Variants in HERC6 observed in about 807,000 individuals in gnomAD.
The protein encoded by HERC6 is HECT and RLD domain containing E3 ubiquitin protein ligase family member 6, also known as probable E3 ubiquitin-protein ligase HERC6.
HERC6 carries 101 observed loss-of-function variants against 114.5 expected under a neutral mutation model. The ratio of observed to expected loss-of-function variants is 0.88; its 90% confidence interval spans 0.75 to 1.04. HERC6 has a LOEUF of 1.04. Among genes scored for constraint, HERC6 ranks in the 50% least tolerant of loss-of-function variants. The probability of loss-of-function intolerance (pLI) is 0.00; values close to 1 mark genes in which losing one functional copy is unlikely to be tolerated. For missense variants in HERC6, 1,133 were observed against 1,230.9 expected, an observed-to-expected ratio of 0.92 and a Z score of 1.19; for synonymous variants, 408 against 436.2, an observed-to-expected ratio of 0.94 and a Z score of 0.81.
At position 88,396,776 on chromosome 4, in the gene HERC6, G is replaced by T. The variant is rs950563219; in HGVS notation, c.888-75G>T. ...TTGGGCTTTTTGTGTTTGTTATTTT[G>T]TCTTAAGGGACATCATCTTTCTCAA... is the stretch of plus-strand genomic sequence containing the variant. On this transcript the variant is annotated intron_variant, in intron 6 of 22. Coordinates refer to ENST00000264346, the MANE Select transcript of HERC6 (RefSeq NM_017912.4). 16 of 1,348,210 alleles carry T rather than the reference G, an allele frequency of 1.2e-5. No individual in the cohort carries two copies. In the Admixed American group the frequency reaches 1.9e-4, roughly 16 times the overall value. 83.5% of individuals were successfully genotyped at this position (1,348,210 alleles called of 1,614,324 possible). A position where few individuals can be genotyped will look rare whatever the true frequency, so the allele number is the denominator to read the frequency against.
At chr4:88,432,145 A>G (rs573975392) in intron 17 of HERC6, among the ~76,000 whole-genome samples, 67 of 152,284 alleles carry the variant, frequency 4.4e-4, no homozygotes, top group African/African-American at 1.5e-3. Context: ...TTTAATACGA[A>G]CTTTGTTTCA....
At chr4:88,440,301 G>C in intron 22 of HERC6, 51 bp downstream of exon 22, 1 of 1,050,764 alleles carries the variant, frequency 9.5e-7, no homozygotes, top group East Asian at 2.6e-5. Flanking sequence ...TTTTAAAAAG[G>C]TACAGTCTTG....
intron 13 of HERC6, among the ~76,000 whole-genome samples, chr4:88,422,798 A>T (rs1737195458): frequency 6.6e-6 from 1 of 152,204 alleles, no homozygotes; most frequent in African/African-American, 2.4e-5. Context: ...ATTGTATAAT[A>T]CTAGCATTTT....
rs1560577676 is a variant in HERC6 at position 88,437,727 on chromosome 4, A to C, written c.2501A>C (p.Asn834Thr). 1 of 1,605,252 alleles carries C rather than the reference A, an allele frequency of 6.2e-7. No homozygotes were observed. The highest frequency in any genetic ancestry group is 1.7e-5 in the Admixed American group (1 of 59,060). ...CIRFSIHWDQ[N>T]DVDLIPNGIS... ...TGGTTACAGATACACTGGGACCAAA[A>C]TGATGTTGACTTAATTCCAAATGGG... is the stretch of plus-strand genomic sequence containing the variant. The change falls in exon 20 of 23, where the codon AAT (asparagine) becomes ACT (threonine). Residue 834 changes from asparagine (N) to threonine (T), a missense_variant. This residue lies in a region of HERC6 where 388 missense variants were observed against 445.9 expected (regional missense o/e 0.87). Transcript: ENST00000264346.
At chr4:88,388,818 C>A (rs1734740158) in intron 3 of HERC6, among the ~76,000 whole-genome samples, 1 of 152,090 alleles carries the variant, frequency 6.6e-6, no homozygotes, top group Non-Finnish European at 1.5e-5. Context: ...CACGGGAGGG[C>A]CTCAGAGAAA....
chr4:88,391,528 C>T (rs1323934245), intron 4 of HERC6, among the ~76,000 whole-genome samples: 1 of 152,206 alleles, frequency 6.6e-6, no homozygotes, highest in Non-Finnish European at 1.5e-5. Context: ...ATTCAGCCTA[C>T]CATAGGATCC....
chr4:88,424,716 A>G lies in HERC6; in HGVS notation c.1935+14A>G. The G allele has an allele frequency of 6.8e-7, 1 of 1,463,040 alleles. No homozygotes were observed. Among genetic ancestry groups the G allele is most frequent in the Non-Finnish European group, 9.5e-7 (1 of 1,058,086 alleles). 90.6% of individuals were successfully genotyped at this position (1,463,040 alleles called of 1,614,324 possible). On this transcript the variant is annotated intron_variant, in intron 15 of 22. Transcript: ENST00000264346. ...ATAAAGATGCAGGTATGTATGTCCT[A>G]TTTTTTAGTATGAAAAATTTCAAAC...
chr4:88,428,794 G>A, intron 16 of HERC6, 44 bp downstream of exon 16: 1 of 1,413,432 alleles, frequency 7.1e-7, no homozygotes, highest in South Asian at 1.6e-5. Flanking sequence ...TCTGTGGGAG[G>A]GATGCATTCA....
intron 17 of HERC6, among the ~76,000 whole-genome samples, chr4:88,433,049 C>T (rs1232902104): frequency 6.6e-6 from 1 of 152,004 alleles, no homozygotes; most frequent in East Asian, 1.9e-4. Flanking sequence ...GATCGCACCA[C>T]TGCCCTCCAG....
chr4:88,393,513 C>T lies in HERC6; in HGVS notation c.690C>T (p.Val230=), dbSNP rs201684477. 1,206 of 1,611,528 alleles carry T rather than the reference C, an allele frequency of 7.5e-4. 2 individuals carry two copies. The highest frequency in any genetic ancestry group is 7.3e-4 in the Non-Finnish European group (855 of 1,178,278). The change falls in exon 5 of 23, where the codon GTC becomes GTT. Residue 230 remains valine, a synonymous_variant. Transcript: ENST00000264346. ...TGCAAAGCAACAAGCCTCTCTCAGT[C>T]GGTGCACTGAAGAATCTAGGTGTGG... is the stretch of plus-strand genomic sequence containing the variant. ...VPVQSNKPLS[V]GALKNLGVVY...
At chr4:88,431,431 GTACTCGTATGGTTCA>G in intron 17 of HERC6, 126 bp downstream of exon 17, 1 of 1,094,396 alleles carries the variant, frequency 9.1e-7, no homozygotes, top group Non-Finnish European at 1.3e-6. Flanking sequence ...ATTTTGAGTA[GTACTCGTATGGTTCA>G]CAGAGCAGCA....
chr4:88,415,368 C>CA lies in HERC6; in HGVS notation c.1559-2053dup, dbSNP rs575476118. 4.5e-4 allele frequency among the ~76,000 whole-genome samples: 69 copies of CA among 152,236 alleles called. No homozygotes were observed. The South Asian group carries it at 5.6e-3, about 12-fold the overall frequency. ...CACATGCAGGAAACATTCCAGAAAG[C>CA]AAAATCACTGAGTCAAATTGTATGT... On this transcript the variant is annotated intron_variant, in intron 12 of 22. Transcript: ENST00000264346.
At chr4:88,408,237 G>A (rs1735904414) in intron 10 of HERC6, among the ~76,000 whole-genome samples, 2 of 152,062 alleles carry the variant, frequency 1.3e-5, no homozygotes, top group Non-Finnish European at 2.9e-5. Flanking sequence ...GAGTGCGGGG[G>A]CAGATGGTTT....
At chr4:88,401,646 G>T (rs1414789810) in intron 8 of HERC6, among the ~76,000 whole-genome samples, 3 of 152,190 alleles carry the variant, frequency 2.0e-5, no homozygotes, top group Non-Finnish European at 4.4e-5. Flanking sequence ...TACAGGTGAA[G>T]GTAGGTTGAT....
rs754528092 is a variant in HERC6, at chr4:88,436,950, T to A, written c.2463T>A (p.Asp821Glu). 1.9e-6 allele frequency: 3 copies of A among 1,607,374 alleles called. No individual in the cohort carries two copies. The Admixed American group carries it at 5.0e-5, about 27-fold the overall frequency. ...ATGATGCTGCTGATGACATTGGAGA[T>A]GCGCTCTGCATACGCTTTTCTGTGA... ...VLDDAADDIGDALCIRFSIHW... is the reference protein window; with the variant it reads ...VLDDAADDIGEALCIRFSIHW... Residue 821 changes from aspartate (D) to glutamate (E), a missense_variant, in exon 19 of 23, where the codon GAT becomes GAA. Transcript: ENST00000264346.
intron 8 of HERC6, among the ~76,000 whole-genome samples, chr4:88,404,193 CTTT>C (rs202005015): frequency 7.3e-5 from 10 of 137,096 alleles, no homozygotes; most frequent in Admixed American, 7.3e-5. Context: ...AATTTCATTT[CTTT>C]TTTTTTTTTT....
At chr4:88,419,796 T>C (rs956615869) in intron 13 of HERC6, among the ~76,000 whole-genome samples, 1 of 152,166 alleles carries the variant, frequency 6.6e-6, no homozygotes, top group Admixed American at 6.5e-5. Flanking sequence ...ATAAACATAA[T>C]ATTTGGTCTC....
At chr4:88,407,049 G>A (rs964858326) in intron 10 of HERC6, among the ~76,000 whole-genome samples, 4 of 145,388 alleles carry the variant, frequency 2.8e-5, no homozygotes, top group South Asian at 4.5e-4. Context: ...ATGAGCCACC[G>A]CGCCCAGCCT....
intron 13 of HERC6, among the ~76,000 whole-genome samples, chr4:88,419,089 A>G (rs1195755847): frequency 6.6e-6 from 1 of 152,192 alleles, no homozygotes; most frequent in African/African-American, 2.4e-5. Flanking sequence ...AATTAAATAG[A>G]AAGGAAGAAA....
Sources: gnomAD v4.1 joint callset for allele counts (sites outside exome capture counted in the v4.1 genomes callset) on GRCh38, gnomAD v4.1.1 for gene constraint, gnomAD v4.1.1 regional missense constraint, MANE v1.5 for transcripts, NCBI Gene and HGNC (gene_info 2026-07-23, HGNC 2026-07-21) for gene names.